SLC8A1: variants seen among roughly 807,000 people sequenced by gnomAD.
SLC8A1 encodes sodium/calcium exchanger 1.
A neutral mutation model predicts 68.3 loss-of-function variants in SLC8A1; 18 were observed. The observed-to-expected ratio is 0.26, with a 90% CI of 0.18 to 0.39. The LOEUF (loss-of-function observed/expected upper bound fraction) is 0.39. Among genes scored for constraint, SLC8A1 ranks in the 10% least tolerant of loss-of-function variants. SLC8A1 has a pLI of 1.00. For missense variants in SLC8A1, 985 were observed against 1,156.7 expected, an observed-to-expected ratio of 0.85 and a Z score of 2.15; for synonymous variants, 475 against 415.5, an observed-to-expected ratio of 1.14 and a Z score of -1.74.
intron 2 of SLC8A1, among the ~76,000 whole-genome samples, chr2:40,390,547 AAACT>A (rs1684943156): frequency 6.6e-6 from 1 of 152,130 alleles, no homozygotes; most frequent in Non-Finnish European, 1.5e-5. Flanking sequence ...ACTAAGTCAT[AAACT>A]CTGAGGATGA....
chr2:40,163,316 G>A (rs1438140441), intron 5 of SLC8A1, among the ~76,000 whole-genome samples: 1 of 152,184 alleles, frequency 6.6e-6, no homozygotes, highest in African/African-American at 2.4e-5. Flanking sequence ...GCATGGAAGG[G>A]GAAGGTCTGA....
At chr2:40,212,282 TC>T (rs1444920642) in intron 2 of SLC8A1, among the ~76,000 whole-genome samples, 6 of 22,420 alleles carry the variant, frequency 2.7e-4, no homozygotes, top group Admixed American at 5.4e-4. Flanking sequence ...AGATGCAATA[TC>T]TTTTTTTTTT....
chr2:40,200,078 T>C (rs189288142), intron 2 of SLC8A1, among the ~76,000 whole-genome samples: 139 of 142,060 alleles, frequency 9.8e-4, no homozygotes, highest in African/African-American at 3.5e-3. Context: ...GCACAAACTA[T>C]AAGAAGAGTT....
intron 2 of SLC8A1, among the ~76,000 whole-genome samples, chr2:40,287,747 C>G (rs376599127): frequency 6.6e-6 from 1 of 151,770 alleles, no homozygotes; most frequent in Non-Finnish European, 1.5e-5. Context: ...TGGCATGGGG[C>G]TCTGCAAGCA....
intron 2 of SLC8A1, among the ~76,000 whole-genome samples, chr2:40,404,338 C>A (rs1258878837): frequency 6.6e-6 from 1 of 152,138 alleles, no homozygotes; most frequent in Non-Finnish European, 1.5e-5. Context: ...CATTTTTATT[C>A]TCAGTTGCAA....
At chr2:40,114,417 G>T (rs1159433532) in exon 8 of SLC8A1, 15 of 152,960 alleles carry the variant, frequency 9.8e-5, no homozygotes, top group African/African-American at 3.6e-4. Context: ...GAGGAACAGG[G>T]TTGGGATGGG....
intron 1 of SLC8A1, among the ~76,000 whole-genome samples, chr2:40,443,138 A>G (rs1311135984): frequency 6.6e-6 from 1 of 152,162 alleles, no homozygotes; most frequent in Non-Finnish European, 1.5e-5. Flanking sequence ...GAACATTAGG[A>G]CAAATACCTA....
At chr2:40,342,462 G>A (rs1668001415) in intron 2 of SLC8A1, among the ~76,000 whole-genome samples, 1 of 152,102 alleles carries the variant, frequency 6.6e-6, no homozygotes, top group Non-Finnish European at 1.5e-5. Flanking sequence ...TTAGATGGTA[G>A]AATATATTCT....
At position 40,241,564 on chromosome 2, in the gene SLC8A1, C is replaced by G. The variant is rs549591681; in HGVS notation, c.1809-63709G>C. On this transcript the variant is annotated intron_variant, in intron 2 of 7. Transcript: ENST00000406785. ...GTACCTGATATGTGACCATAAATAC[C>G]TGTCCCCCTTTGACCTCTTCTTTGC... 1.0e-3 allele frequency among the ~76,000 whole-genome samples: 156 copies of G among 152,294 alleles called. 1 individual carries two copies. Among genetic ancestry groups the G allele is most frequent in the Non-Finnish European group, 7.1e-4 (48 of 68,028 alleles).
intron 6 of SLC8A1, among the ~76,000 whole-genome samples, chr2:40,143,885 G>A (rs1375826929): frequency 2.6e-5 from 4 of 152,176 alleles, no homozygotes; most frequent in African/African-American, 7.2e-5. Flanking sequence ...TAATGGACAC[G>A]TGGGTCAGAA....
intron 2 of SLC8A1, among the ~76,000 whole-genome samples, chr2:40,275,929 T>A (rs2066640170): frequency 6.6e-6 from 1 of 152,170 alleles, no homozygotes; most frequent in Admixed American, 6.5e-5. Flanking sequence ...ACCCACAGAC[T>A]TCACTTAGTC....
At chr2:40,447,034 T>G (rs1701570507) in intron 1 of SLC8A1, among the ~76,000 whole-genome samples, 1 of 152,218 alleles carries the variant, frequency 6.6e-6, no homozygotes, top group Non-Finnish European at 1.5e-5. Context: ...AAATTATTAA[T>G]TGTTCTCACT....
intron 2 of SLC8A1, among the ~76,000 whole-genome samples, chr2:40,325,583 T>C (rs1368549308): frequency 1.3e-5 from 2 of 152,006 alleles, no homozygotes; most frequent in African/African-American, 4.8e-5. Flanking sequence ...TGGGTCAGTT[T>C]CTTTCAGATC....
At chr2:40,202,610 C>G (rs1167342595) in intron 2 of SLC8A1, among the ~76,000 whole-genome samples, 1 of 151,900 alleles carries the variant, frequency 6.6e-6, no homozygotes, top group Non-Finnish European at 1.5e-5. Flanking sequence ...AATAGCATTT[C>G]TCCCACTCTT....
intron 1 of SLC8A1, among the ~76,000 whole-genome samples, chr2:40,435,533 C>T (rs935814194): frequency 6.6e-6 from 1 of 152,124 alleles, no homozygotes; most frequent in Non-Finnish European, 1.5e-5. Context: ...GGGCTATGAG[C>T]GGTCACATCA....
intron 7 of SLC8A1, among the ~76,000 whole-genome samples, chr2:40,133,125 A>C (rs1378495425): frequency 6.6e-6 from 1 of 152,252 alleles, no homozygotes; most frequent in Non-Finnish European, 1.5e-5. Context: ...CCAGAGAGTC[A>C]AGAAATTGGT....
At chr2:40,404,725 G>A (rs1444199575) in intron 2 of SLC8A1, among the ~76,000 whole-genome samples, 2 of 152,164 alleles carry the variant, frequency 1.3e-5, no homozygotes, top group Admixed American at 1.3e-4. Context: ...GTTGGCACGA[G>A]TGCGTTGCTT....
In SLC8A1 at chr2:40,418,842, G is replaced by C. The variant is rs542970228; in HGVS notation, c.1808+9631C>G. 6.6e-5 allele frequency among the ~76,000 whole-genome samples: 10 copies of C among 152,282 alleles called. No homozygotes were observed. In the South Asian group the frequency reaches 2.1e-3, roughly 32 times the overall value. ...CATCTGGGATGGGGACAGGAGAGGA[G>C]AGAGAGCCCTGTAGTTTTCTTCTGG... On this transcript the variant is annotated intron_variant, in intron 2 of 7. Coordinates refer to ENST00000406785, the Ensembl canonical transcript of SLC8A1.
At chr2:40,319,981 T>C (rs1395762739) in intron 2 of SLC8A1, among the ~76,000 whole-genome samples, 3 of 152,158 alleles carry the variant, frequency 2.0e-5, no homozygotes, top group Non-Finnish European at 2.9e-5. Flanking sequence ...ATGGGGATTA[T>C]GGCACCTCCC....
Sources: allele counts gnomAD v4.1 joint callset (sites outside exome capture counted in the v4.1 genomes callset), GRCh38; gene constraint gnomAD v4.1.1; transcripts MANE v1.5; gene names NCBI Gene and HGNC (gene_info 2026-07-23, HGNC 2026-07-21).